DMD: variants seen among roughly 807,000 people sequenced by gnomAD.
DMD encodes the protein dystrophin.
Under a neutral mutation model 330.1 loss-of-function variants are expected in DMD, and 63 were observed. The observed-to-expected ratio is 0.19, with a 90% CI of 0.16 to 0.24. DMD has a LOEUF of 0.24. Among genes scored for constraint, DMD ranks in the 10% least tolerant of loss-of-function variants. The pLI is 1.00. For missense variants in DMD, 3,344 were observed against 2,684.1 expected (o/e 1.25, Z -5.43); for synonymous variants, 1,223 against 959.8 (o/e 1.27, Z -5.07).
chrX:31,221,890 T>A (rs1236970762), intron 64 of DMD, among the ~76,000 whole-genome samples: 1 of 109,807 alleles, frequency 9.1e-6, no homozygotes, highest in Non-Finnish European at 1.9e-5. Context: ...ACCCCGTCTC[T>A]ATTAAAAAAT....
intron 44 of DMD, among the ~76,000 whole-genome samples, chrX:32,148,309 AC>A (rs1193653843): frequency 4.5e-5 from 5 of 111,863 alleles, no homozygotes; most frequent in Non-Finnish European, 9.4e-5. Context: ...TATTATTATG[AC>A]TACATCAGAA....
At chrX:31,728,508 C>A in intron 52 of DMD, among the ~76,000 whole-genome samples, 1 of 111,887 alleles carries the variant, frequency 8.9e-6, no homozygotes, top group Non-Finnish European at 1.9e-5. Flanking sequence ...TAAGTACTTA[C>A]CCAATATGTG....
chrX:31,984,116 G>GT (rs2150275395), intron 44 of DMD, among the ~76,000 whole-genome samples: 1 of 112,103 alleles, frequency 8.9e-6, no homozygotes, highest in African/African-American at 3.2e-5. Flanking sequence ...AATTATAGAT[G>GT]TTTTTGGTAG....
At chrX:33,089,130 A>T (rs2095051113) in intron 1 of DMD, among the ~76,000 whole-genome samples, 1 of 100,808 alleles carries the variant, frequency 9.9e-6, no homozygotes, top group Non-Finnish European at 2.0e-5. Flanking sequence ...CAGTGTCACG[A>T]TCTCGGCTCA....
intron 7 of DMD, among the ~76,000 whole-genome samples, chrX:32,794,893 A>C (rs974179850): frequency 3.6e-5 from 4 of 112,170 alleles, no homozygotes; most frequent in African/African-American, 1.3e-4. Flanking sequence ...GCTGAGAAAG[A>C]AATCAAGAAG....
chrX:33,063,995 A>G lies in DMD; in HGVS notation c.32-43795T>C, dbSNP rs756744181. Among the ~76,000 whole-genome samples, 113 of 111,995 alleles carry G rather than the reference A, an allele frequency of 1.0e-3. 1 individual carries two copies. The highest frequency in any genetic ancestry group is 3.1e-3 in the African/African-American group (95 of 30,875). ...GCATTTTAATGAAAGAGTATCACTA[A>G]GATAAAATGTGACAGTAGGCAACCA... On this transcript the variant is annotated intron_variant, in intron 1 of 78. Transcript: ENST00000357033.
chrX:32,667,979 A>T (rs918683441), intron 9 of DMD, among the ~76,000 whole-genome samples: 12 of 71,780 alleles, frequency 1.7e-4, no homozygotes, highest in Non-Finnish European at 2.6e-4. Context: ...GTCACTATTT[A>T]AAAAAAAAAA....
rs368217812 is a variant in DMD at position 32,147,797 on chromosome X, A to C, written c.6438+69119T>G. Among the ~76,000 whole-genome samples, 7 of 110,561 alleles carry C rather than the reference A, an allele frequency of 6.3e-5. No individual in the cohort carries two copies. In the South Asian group the frequency reaches 1.6e-3, roughly 25 times the overall value. On this transcript the variant is annotated intron_variant, in intron 44 of 78. Coordinates refer to ENST00000357033, the MANE Select transcript of DMD (RefSeq NM_004006.3). ...TTTCATATTAGCATACTGATAAGAA[A>C]GGTATCCTTGAGTCTTACTGTTTGG... is the stretch of plus-strand genomic sequence containing the variant.
At chrX:33,002,144 A>C (rs9698349) in intron 2 of DMD, among the ~76,000 whole-genome samples, 1 of 110,342 alleles carries the variant, frequency 9.1e-6, no homozygotes, top group East Asian at 2.9e-4. Flanking sequence ...AGATATATAC[A>C]TCTCTAATCA....
At chrX:32,829,644 A>G (rs1045121556) in intron 4 of DMD, among the ~76,000 whole-genome samples, 6 of 111,816 alleles carry the variant, frequency 5.4e-5, no homozygotes, top group Non-Finnish European at 1.1e-4. Flanking sequence ...CTTAAGATGC[A>G]TACTTCTTTT....
At chrX:31,385,268 T>C (rs1469848298) in intron 60 of DMD, among the ~76,000 whole-genome samples, 3 of 111,857 alleles carry the variant, frequency 2.7e-5, no homozygotes, top group Non-Finnish European at 5.6e-5. Context: ...TAGAGAGTTA[T>C]CATCAGTCAT....
At chrX:32,928,440 T>G (rs912377687) in intron 2 of DMD, among the ~76,000 whole-genome samples, 2 of 111,545 alleles carry the variant, frequency 1.8e-5, no homozygotes, top group African/African-American at 6.5e-5. Flanking sequence ...TTCAATAGCA[T>G]GACTGCTTAC....
chrX:31,681,024 C>A (rs1280082233), intron 52 of DMD, among the ~76,000 whole-genome samples: 1 of 111,271 alleles, frequency 9.0e-6, no homozygotes, highest in African/African-American at 3.3e-5. Flanking sequence ...TATATAACTT[C>A]TTTCCTCTTT....
At position 33,192,946 on chromosome X, in the gene DMD, A is replaced by T. The variant is rs185254241; in HGVS notation, c.31+18336T>A. ...CTCACACAGATGCATTCACGTACAC[A>T]CTATGAAACTTGAGTTTTACAGGAA... On this transcript the variant is annotated intron_variant, in intron 1 of 78. Transcript: ENST00000357033. 5.9e-4 allele frequency among the ~76,000 whole-genome samples: 66 copies of T among 111,988 alleles called. No individual in the cohort carries two copies. In the East Asian group the frequency reaches 0.017, roughly 30 times the overall value.
At chrX:31,204,153 C>A in intron 66 of DMD, 35 bp from the exon 67 acceptor site, 1 of 1,179,629 alleles carries the variant, frequency 8.5e-7, no homozygotes, top group Non-Finnish European at 1.2e-6. Context: ...ACAGTCAAAA[C>A]ACAGCACCCA....
intron 34 of DMD, 145 bp downstream of exon 34, chrX:32,380,365 G>T: frequency 3.4e-6 from 2 of 594,302 alleles, no homozygotes; most frequent in Non-Finnish European, 5.2e-6. Flanking sequence ...GTCCTGAAAA[G>T]CACAGATTAA....
chrX:31,642,967 T>C (rs189581867), intron 54 of DMD, among the ~76,000 whole-genome samples: 72 of 112,037 alleles, frequency 6.4e-4, no homozygotes, highest in Admixed American at 2.8e-3. Flanking sequence ...TTGAATTAAA[T>C]TTCAAAAACA....
chrX:32,550,446 T>C (rs2049423938), intron 16 of DMD, among the ~76,000 whole-genome samples: 1 of 110,854 alleles, frequency 9.0e-6, no homozygotes, highest in African/African-American at 3.3e-5. Flanking sequence ...CTAATGAAAA[T>C]TTAAAAAGAT....
chrX:31,996,424 C>T (rs2095586909), intron 44 of DMD, among the ~76,000 whole-genome samples: 2 of 111,452 alleles, frequency 1.8e-5, no homozygotes, highest in South Asian at 7.5e-4. Context: ...AGTAATGAAT[C>T]CAAACACTAT....
Sources: allele counts gnomAD v4.1 joint callset (sites outside exome capture counted in the v4.1 genomes callset), GRCh38; gene constraint gnomAD v4.1.1; transcripts MANE v1.5; gene names NCBI Gene and HGNC (gene_info 2026-07-23, HGNC 2026-07-21).